Variants in SLC71A1 observed in about 807,000 individuals in gnomAD.
The protein encoded by SLC71A1 is solute carrier family 71 member 1, also known as hippocampus abundant gene transcript 1.
At chr1:100,047,102 T>C in the SLC71A1 span, among the ~76,000 whole-genome samples, 1 of 152,226 alleles carries the variant, frequency 6.6e-6, no homozygotes, top group Non-Finnish European at 1.5e-5. Context: ...CTTTGTTGAA[T>C]AAGAGTGGCG....
the SLC71A1 span, chr1:100,059,976 C>T: frequency 6.2e-7 from 1 of 1,612,190 alleles, no homozygotes; most frequent in Non-Finnish European, 8.5e-7. Context: ...TCACATGTGC[C>T]CCAATTCCTT....
chr1:100,082,361 G>A, the SLC71A1 span: 1 of 622,678 alleles, frequency 1.6e-6, no homozygotes, highest in East Asian at 2.8e-5. Flanking sequence ...AAGGAAGTGG[G>A]AACTTAGAAC....
At chr1:100,081,625 C>T in the SLC71A1 span, among the ~76,000 whole-genome samples, 1 of 152,204 alleles carries the variant, frequency 6.6e-6, no homozygotes, top group African/African-American at 2.4e-5. Flanking sequence ...ATCTGCCTGC[C>T]TCAGCCTCCC....
chr1:100,077,411 A>G, the SLC71A1 span: 7 of 588,284 alleles, frequency 1.2e-5, no homozygotes, highest in East Asian at 1.6e-4. Context: ...TGTGTCTAAT[A>G]TAAGTCTGCC....
chr1:100,058,780 C>A, the SLC71A1 span: 2 of 915,574 alleles, frequency 2.2e-6, no homozygotes, highest in Non-Finnish European at 3.5e-6. Flanking sequence ...TACACATACA[C>A]GCACACGGAT....
chr1:100,061,949 G>C, the SLC71A1 span: 1 of 1,530,298 alleles, frequency 6.5e-7, no homozygotes, highest in East Asian at 2.3e-5. Context: ...CTTATGGACT[G>C]GTATGTATGT....
At chr1:100,065,441 T>C in the SLC71A1 span, among the ~76,000 whole-genome samples, 2 of 151,854 alleles carry the variant, frequency 1.3e-5, no homozygotes, top group Admixed American at 6.6e-5. Flanking sequence ...ATGGTCCTTT[T>C]CCTTTCCTTC....
the SLC71A1 span, chr1:100,057,943 GATA>G: frequency 6.6e-6 from 1 of 152,178 alleles, no homozygotes; most frequent in African/African-American, 2.4e-5. Flanking sequence ...TATGTAAAGT[GATA>G]ATATTATCTA....
the SLC71A1 span, among the ~76,000 whole-genome samples, chr1:100,077,830 G>A: frequency 1.3e-5 from 2 of 152,104 alleles, no homozygotes; most frequent in South Asian, 4.1e-4. Context: ...AGGCATTATG[G>A]CACTGAACTC....
the SLC71A1 span, among the ~76,000 whole-genome samples, chr1:100,064,414 C>T: frequency 1.3e-5 from 2 of 152,148 alleles, no homozygotes; most frequent in Non-Finnish European, 2.9e-5. Flanking sequence ...TAGGCGTGAG[C>T]CATGGCGCCT....
At chr1:100,067,392 A>G in the SLC71A1 span, among the ~76,000 whole-genome samples, 14 of 152,152 alleles carry the variant, frequency 9.2e-5, no homozygotes, top group Admixed American at 4.6e-4. Flanking sequence ...CTACAGGTGC[A>G]CACCAGCATG....
the SLC71A1 span, chr1:100,050,072 T>C: frequency 1.2e-6 from 1 of 845,936 alleles, no homozygotes. Flanking sequence ...TGGAGGAAAA[T>C]GTGGGCCTTT....
At chr1:100,057,734 G>A in the SLC71A1 span, among the ~76,000 whole-genome samples, 8 of 152,076 alleles carry the variant, frequency 5.3e-5, no homozygotes, top group African/African-American at 1.9e-4. Context: ...CTGAAGAAAG[G>A]GGAGCAATTC....
At chr1:100,071,374 G>A in the SLC71A1 span, among the ~76,000 whole-genome samples, 2 of 151,176 alleles carry the variant, frequency 1.3e-5, no homozygotes, top group South Asian at 4.2e-4. Flanking sequence ...AGGAAGCTGA[G>A]ATGGGAGGAT....
chr1:100,060,353 C>T, the SLC71A1 span, among the ~76,000 whole-genome samples: 6 of 152,076 alleles, frequency 3.9e-5, no homozygotes, highest in Admixed American at 1.3e-4. Context: ...TTGTCATTAT[C>T]TATATTAGTT....
chr1:100,049,155 T>A, the SLC71A1 span, among the ~76,000 whole-genome samples: 1 of 152,212 alleles, frequency 6.6e-6, no homozygotes, highest in Admixed American at 6.5e-5. Context: ...GTGATAATAC[T>A]GCAGTGAGTC....
chr1:100,079,985 A>T, the SLC71A1 span: 5 of 152,958 alleles, frequency 3.3e-5, 1 homozygote, highest in South Asian at 4.1e-4. Flanking sequence ...ACACCACCCT[A>T]GGCAACAAAG....
At chr1:100,048,618 C>T in the SLC71A1 span, among the ~76,000 whole-genome samples, 2 of 152,174 alleles carry the variant, frequency 1.3e-5, no homozygotes, top group Non-Finnish European at 2.9e-5. Context: ...TCTTACTGTT[C>T]CTTTTATCTT....
the SLC71A1 span, chr1:100,043,202 A>G: frequency 1.0e-6 from 1 of 978,874 alleles, no homozygotes; most frequent in Non-Finnish European, 1.2e-6. Context: ...TTTAAAGTTT[A>G]AGTAAAAAAA....
Sources: gnomAD v4.1 joint callset for allele counts (sites outside exome capture counted in the v4.1 genomes callset) on GRCh38, gnomAD v4.1.1 for gene constraint, MANE v1.5 for transcripts, NCBI Gene and HGNC (gene_info 2026-07-23, HGNC 2026-07-21) for gene names.